PTPN5: variants seen among roughly 807,000 people sequenced by gnomAD.
The protein encoded by PTPN5 is tyrosine-protein phosphatase non-receptor type 5.
PTPN5 carries 29 observed loss-of-function variants against 73.9 expected under a neutral mutation model. The ratio of observed to expected loss-of-function variants is 0.39; its 90% CI spans 0.29 to 0.54. The LOEUF (loss-of-function observed/expected upper bound fraction) is 0.54. PTPN5 is among the 20% of genes least tolerant of loss of function. PTPN5 has a pLI of 0.65. For synonymous variants in PTPN5, 267 were observed against 304.7 expected (o/e 0.88, Z 1.29); for missense variants, 652 against 751.4 (o/e 0.87, Z 1.55).
In PTPN5 at chr11:18,729,537, A is replaced by G; in HGVS notation, c.1520T>C (p.Ile507Thr). 1 of 1,599,844 alleles carries G rather than the reference A, an allele frequency of 6.3e-7. No homozygotes were observed. The highest frequency in any genetic ancestry group is 8.5e-7 in the Non-Finnish European group (1 of 1,175,874). Reference sequence around the variant, plus strand: ...CTGCTGGCAGCAGATGCTGGTGGCAATGAAGCAGCCGGTCCTCCCAATCCC... The same window carrying G: ...CTGCTGGCAGCAGATGCTGGTGGCAGTGAAGCAGCCGGTCCTCCCAATCCC... ...SAGIGRTGCF[I>T]ATSICCQQLR... Residue 507 changes from isoleucine (I) to threonine (T), a missense_variant, in exon 14 of 15, where the codon ATT (isoleucine) becomes ACT (threonine). Transcript: ENST00000358540. This position sits in a 1 kb window ranked among gnomAD's most constrained non-coding sequence, Gnocchi z 5.2.
intron 3 of PTPN5, among the ~76,000 whole-genome samples, chr11:18,749,708 G>A (rs748381642): frequency 2.6e-5 from 4 of 152,154 alleles, no homozygotes; most frequent in Non-Finnish European, 5.9e-5. Flanking sequence ...ACAGGGAAAC[G>A]CTATGATCCC....
In PTPN5 at chr11:18,741,357, G is replaced by C. The variant is rs184030966; in HGVS notation, c.726-565C>G. 8.5e-5 allele frequency among the ~76,000 whole-genome samples: 13 copies of C among 152,306 alleles called. No individual in the cohort carries two copies. The East Asian group carries it at 2.5e-3, about 29-fold the overall frequency. On this transcript the variant is annotated intron_variant, in intron 7 of 14. Coordinates refer to ENST00000358540, the MANE Select transcript of PTPN5 (RefSeq NM_006906.2). ...GTGGCCGCAAGGATGTCTACAATGG[G>C]CAAACTCTACTATACTCAGAGTCTC...
intron 9 of PTPN5, among the ~76,000 whole-genome samples, chr11:18,735,732 T>G (rs1590489156): frequency 6.8e-6 from 1 of 146,150 alleles, no homozygotes; most frequent in South Asian, 2.1e-4. Context: ...GCCACTGCAC[T>G]CCAGCCTGGG....
rs1848989850 is a variant in PTPN5, at chr11:18,733,598, A to G, written c.1038T>C (p.Pro346=). ...HSRVCLTSPD[P]DDPLSSYINA... ...TGATGTAGGAACTCAGAGGGTCGTC[A>G]GGGTCTGGTGAGGTCAGACACACTC... Residue 346 remains proline, a synonymous_variant, in exon 10 of 15, where the codon CCT becomes CCC. Transcript: ENST00000358540. The surrounding 1 kb of genome is among the most constrained non-coding windows in gnomAD (Gnocchi z 4.3). 1 of 1,614,210 alleles carries G rather than the reference A, an allele frequency of 6.2e-7. No individual in the cohort carries two copies. Among genetic ancestry groups the G allele is most frequent in the Non-Finnish European group, 8.5e-7 (1 of 1,180,036 alleles).
At chr11:18,731,284 TAAC>T (rs759245424) in intron 12 of PTPN5, among the ~76,000 whole-genome samples, 6 of 151,256 alleles carry the variant, frequency 4.0e-5, no homozygotes, top group Non-Finnish European at 8.8e-5. Flanking sequence ...TCATCCAATA[TAAC>T]ATCATATGAT....
At chr11:18,743,915 C>G in intron 4 of PTPN5, 91 bp downstream of exon 4, 1 of 1,442,666 alleles carries the variant, frequency 6.9e-7, no homozygotes, top group Non-Finnish European at 9.2e-7. Context: ...TATCCTCCTG[C>G]CTTCCAGGTG....
chr11:18,748,265 G>C (rs1305388103), intron 3 of PTPN5, among the ~76,000 whole-genome samples: 1 of 152,154 alleles, frequency 6.6e-6, no homozygotes, highest in African/African-American at 2.4e-5. Context: ...TCCAGAGGCA[G>C]GTCCCTCGGA....
chr11:18,786,774 C>T (rs1851692693), intron 1 of PTPN5, among the ~76,000 whole-genome samples: 1 of 152,182 alleles, frequency 6.6e-6, no homozygotes, highest in African/African-American at 2.4e-5. Context: ...CCCATCTCCA[C>T]CTGTAGATCC....
chr11:18,750,731 T>G (rs949257290), intron 3 of PTPN5, among the ~76,000 whole-genome samples: 6 of 152,170 alleles, frequency 3.9e-5, no homozygotes, highest in Admixed American at 2.0e-4. Flanking sequence ...GTCAGTCTTA[T>G]GCTGTTCAAT....
chr11:18,767,304 C>A (rs910975512), intron 2 of PTPN5, among the ~76,000 whole-genome samples: 2 of 152,214 alleles, frequency 1.3e-5, no homozygotes, highest in African/African-American at 4.8e-5. Context: ...TCTTTTTCAA[C>A]TGGCATTATA....
At chr11:18,782,176 T>C (rs1294689723) in intron 1 of PTPN5, among the ~76,000 whole-genome samples, 1 of 152,004 alleles carries the variant, frequency 6.6e-6, no homozygotes, top group Non-Finnish European at 1.5e-5. Context: ...TCTGTGTGTG[T>C]ATTGGGGGTT....
intron 9 of PTPN5, among the ~76,000 whole-genome samples, chr11:18,736,257 G>A (rs1849108666): frequency 6.6e-6 from 1 of 152,228 alleles, no homozygotes; most frequent in Non-Finnish European, 1.5e-5. Flanking sequence ...GGTCAACAGA[G>A]CAAGACCTCC....
chr11:18,772,414 G>A (rs56295396), intron 1 of PTPN5, among the ~76,000 whole-genome samples: 42,246 of 152,050 alleles, frequency 0.28, 6,205 homozygotes, highest in African/African-American at 0.33. Context: ...TGCTATTTCC[G>A]TCCTGCCAAG....
intron 3 of PTPN5, among the ~76,000 whole-genome samples, chr11:18,761,434 A>G (rs565418583): frequency 6.6e-6 from 1 of 152,038 alleles, no homozygotes; most frequent in Non-Finnish European, 1.5e-5. Flanking sequence ...AGAAGAAGAG[A>G]GATTGTGAGT....
intron 9 of PTPN5, among the ~76,000 whole-genome samples, chr11:18,734,339 T>G (rs1189047989): frequency 1.3e-5 from 2 of 152,080 alleles, no homozygotes; most frequent in African/African-American, 4.8e-5. Flanking sequence ...TCAAATCCCA[T>G]AGTAAAAGGG....
intron 1 of PTPN5, among the ~76,000 whole-genome samples, chr11:18,780,910 A>C (rs991348921): frequency 2.6e-5 from 4 of 152,146 alleles, no homozygotes; most frequent in Non-Finnish European, 5.9e-5. Flanking sequence ...AAAAAGAAGA[A>C]AGACATGAGT....
intron 3 of PTPN5, among the ~76,000 whole-genome samples, chr11:18,761,471 CTG>C (rs889537017): frequency 4.9e-4 from 74 of 152,126 alleles, no homozygotes; most frequent in African/African-American, 1.5e-3. Context: ...GTTTGGGTGA[CTG>C]TGAGCAAATG....
chr11:18,732,779 G>A (rs892212981), intron 11 of PTPN5, 77 bp from the exon 12 acceptor site: 97 of 1,235,520 alleles, frequency 7.9e-5, no homozygotes, highest in South Asian at 3.8e-4. Context: ...CAGGGCCAGC[G>A]GAGAGATACA....
At chr11:18,779,253 A>G (rs900318322) in intron 1 of PTPN5, among the ~76,000 whole-genome samples, 39 of 152,028 alleles carry the variant, frequency 2.6e-4, no homozygotes, top group African/African-American at 8.7e-4. Flanking sequence ...TGGCATCTTC[A>G]GGTTTGGTGG....
Sources: allele counts gnomAD v4.1 joint callset (sites outside exome capture counted in the v4.1 genomes callset), GRCh38; gene constraint gnomAD v4.1.1; non-coding constraint Gnocchi (gnomAD v3.1); transcripts MANE v1.5; gene names NCBI Gene and HGNC (gene_info 2026-07-23, HGNC 2026-07-21).